Variants in NRCAM observed in about 807,000 individuals in gnomAD.
NRCAM encodes the protein NgCAM-related cell adhesion molecule.
A neutral mutation model predicts 156.5 loss-of-function variants in NRCAM; 83 were observed. That is an observed-to-expected ratio of 0.53 (90% confidence interval 0.44 to 0.64). The LOEUF is 0.64. Ranked by LOEUF, NRCAM falls within the 30% of genes least tolerant of loss-of-function variation. The probability of loss-of-function intolerance (pLI) is 0.00; values close to 1 mark genes in which losing one functional copy is unlikely to be tolerated. For synonymous variants in NRCAM, 538 were observed against 563.9 expected (o/e 0.95, Z 0.65); for missense variants, 1,417 against 1,597.3 (o/e 0.89, Z 1.92).
At chr7:108,253,133 C>T (rs2096455144) in intron 3 of NRCAM, among the ~76,000 whole-genome samples, 1 of 152,176 alleles carries the variant, frequency 6.6e-6, no homozygotes, top group South Asian at 2.1e-4. Context: ...ATTTTATTAA[C>T]AATATTTATT....
chr7:108,363,012 C>G (rs968178091), intron 2 of NRCAM, among the ~76,000 whole-genome samples: 2 of 151,934 alleles, frequency 1.3e-5, no homozygotes, highest in Non-Finnish European at 2.9e-5. Flanking sequence ...AACAAACAAA[C>G]AAAACTCTAA....
intron 13 of NRCAM, among the ~76,000 whole-genome samples, chr7:108,202,684 G>A (rs1169650791): frequency 6.6e-6 from 1 of 152,178 alleles, no homozygotes; most frequent in Non-Finnish European, 1.5e-5. Context: ...GAAATCCCAG[G>A]AATATCCTGG....
In NRCAM at chr7:108,176,532, T is replaced by G; in HGVS notation, c.3049A>C (p.Asn1017His). The G allele has an allele frequency of 6.2e-7, 1 of 1,613,802 alleles. No homozygotes were observed. Among genetic ancestry groups the G allele is most frequent in the Non-Finnish European group, 8.5e-7 (1 of 1,179,844 alleles). ...TTATATCGAGTGCTGAAATTTAAAT[T>G]TTTTAAAGTCCACCGTGTCTTGTTG... is the stretch of plus-strand genomic sequence containing the variant. ...PANKTRWTLK[N>H]LNFSTRYKFY... The change falls in exon 27 of 33, where the codon AAT (asparagine) becomes CAT (histidine). Residue 1017 changes from asparagine (N) to histidine (H), a missense_variant. Coordinates refer to ENST00000379028, the MANE Select transcript of NRCAM (RefSeq NM_001037132.4).
intron 11 of NRCAM, among the ~76,000 whole-genome samples, chr7:108,218,174 G>C (rs1031548315): frequency 5.3e-5 from 2 of 37,572 alleles, no homozygotes; most frequent in African/African-American, 2.0e-4. Flanking sequence ...TCCCTTGGCT[G>C]GGGGGGGGGG....
intron 1 of NRCAM, among the ~76,000 whole-genome samples, chr7:108,454,249 T>C (rs773542098): frequency 4.6e-5 from 7 of 152,172 alleles, no homozygotes; most frequent in Non-Finnish European, 8.8e-5. Context: ...TCTGCAGAGC[T>C]CCGAATTAAA....
intron 2 of NRCAM, among the ~76,000 whole-genome samples, chr7:108,362,271 A>G (rs991099972): frequency 6.6e-6 from 1 of 152,118 alleles, no homozygotes; most frequent in Non-Finnish European, 1.5e-5. Context: ...GGTCTCTTTT[A>G]TAAGAGCACT....
chr7:108,308,277 T>C (rs2267882), intron 3 of NRCAM, among the ~76,000 whole-genome samples: 37,037 of 152,202 alleles, frequency 0.24, 5,001 homozygotes, highest in Middle Eastern at 0.3. Flanking sequence ...TTAAAGTCTA[T>C]GGGTCACGAA....
chr7:108,276,486 A>G (rs1038888064), intron 3 of NRCAM, among the ~76,000 whole-genome samples: 10 of 151,952 alleles, frequency 6.6e-5, no homozygotes, highest in African/African-American at 2.4e-4. Flanking sequence ...ACCATTATGT[A>G]ATGGCCTTCT....
chr7:108,366,851 C>T (rs1216052527), intron 2 of NRCAM, among the ~76,000 whole-genome samples: 1 of 152,204 alleles, frequency 6.6e-6, no homozygotes, highest in Non-Finnish European at 1.5e-5. Flanking sequence ...CATTTGTCAT[C>T]TTAGAACAAG....
intron 27 of NRCAM, among the ~76,000 whole-genome samples, chr7:108,176,015 C>G (rs111464666): frequency 4.5e-4 from 69 of 152,114 alleles, no homozygotes; most frequent in African/African-American, 1.6e-3. Context: ...AGGACCAGAA[C>G]TCGAATTACA....
intron 9 of NRCAM, among the ~76,000 whole-genome samples, 189 bp downstream of exon 9, chr7:108,226,019 T>C (rs1277039758): frequency 6.6e-6 from 1 of 152,086 alleles, no homozygotes; most frequent in Non-Finnish European, 1.5e-5. Context: ...AAGCAAAAAA[T>C]GTAAAATCCA....
At chr7:108,449,616 C>T (rs1016204638) in intron 1 of NRCAM, among the ~76,000 whole-genome samples, 2 of 152,220 alleles carry the variant, frequency 1.3e-5, no homozygotes, top group African/African-American at 2.4e-5. Context: ...GAGATTAGTA[C>T]TTCCCCTTTC....
At chr7:108,250,185 G>A (rs1245106241) in intron 3 of NRCAM, among the ~76,000 whole-genome samples, 3 of 152,174 alleles carry the variant, frequency 2.0e-5, no homozygotes, top group Non-Finnish European at 4.4e-5. Flanking sequence ...TTGGGAGGCC[G>A]AGGCAGGTGG....
chr7:108,204,050 G>A (rs79162056), intron 13 of NRCAM, among the ~76,000 whole-genome samples: 2,346 of 152,270 alleles, frequency 0.015, 53 homozygotes, highest in African/African-American at 0.054. Flanking sequence ...GATGTGGGGT[G>A]CACAAGTCAG....
At chr7:108,446,813 C>T (rs900886878) in intron 1 of NRCAM, among the ~76,000 whole-genome samples, 17 of 149,974 alleles carry the variant, frequency 1.1e-4, no homozygotes, top group Admixed American at 8.7e-4. Context: ...CTGCAACCTT[C>T]GCCTCCTGGG....
intron 26 of NRCAM, 141 bp downstream of exon 26, chr7:108,177,849 T>C: frequency 1.7e-6 from 1 of 577,048 alleles, no homozygotes; most frequent in Non-Finnish European, 2.7e-6. Context: ...AGAAGATGAA[T>C]ATGCGAATTC....
chr7:108,275,910 T>C (rs976140557), intron 3 of NRCAM, among the ~76,000 whole-genome samples: 2 of 152,246 alleles, frequency 1.3e-5, no homozygotes, highest in Non-Finnish European at 2.9e-5. Context: ...TTTAAATGTG[T>C]CCCAGAGATT....
intron 2 of NRCAM, among the ~76,000 whole-genome samples, chr7:108,393,270 C>T (rs1041071281): frequency 1.3e-4 from 20 of 152,140 alleles, no homozygotes; most frequent in African/African-American, 4.8e-4. Flanking sequence ...TAATGGTGGG[C>T]GCCCCTCCCC....
chr7:108,172,853 T>G (rs1044716645), intron 28 of NRCAM, among the ~76,000 whole-genome samples: 1 of 152,188 alleles, frequency 6.6e-6, no homozygotes, highest in African/African-American at 2.4e-5. Context: ...TTCATTAACA[T>G]CTCTTAAAAT....
Sources: allele counts gnomAD v4.1 joint callset (sites outside exome capture counted in the v4.1 genomes callset), GRCh38; gene constraint gnomAD v4.1.1; transcripts MANE v1.5; gene names NCBI Gene and HGNC (gene_info 2026-07-23, HGNC 2026-07-21).